MACROD2: variants seen among roughly 807,000 people sequenced by gnomAD.
MACROD2 encodes mono-ADP ribosylhydrolase 2.
In MACROD2, 36 loss-of-function variants were observed where a neutral mutation model predicts 70.4. The ratio of observed to expected loss-of-function variants is 0.51; its 90% CI spans 0.39 to 0.68. The LOEUF (loss-of-function observed/expected upper bound fraction) is 0.68. Ranked by LOEUF, MACROD2 falls within the 30% of genes least tolerant of loss-of-function variation. The pLI is 0.00. For synonymous variants in MACROD2, 172 were observed against 178.8 expected (o/e 0.96, Z 0.30); for missense variants, 496 against 538.4 (o/e 0.92, Z 0.78).
chr20:14,521,056 G>A (rs1477491956), intron 4 of MACROD2, among the ~76,000 whole-genome samples: 1 of 152,170 alleles, frequency 6.6e-6, no homozygotes, highest in African/African-American at 2.4e-5. Flanking sequence ...TTAACATGAT[G>A]CACTCCAAAG....
At chr20:14,571,395 G>A (rs1980181430) in intron 4 of MACROD2, among the ~76,000 whole-genome samples, 1 of 151,980 alleles carries the variant, frequency 6.6e-6, no homozygotes, top group East Asian at 1.9e-4. Context: ...GATGATTAAA[G>A]TTATTTTTAG....
chr20:14,536,167 A>C (rs2085361306), intron 4 of MACROD2, among the ~76,000 whole-genome samples: 1 of 152,162 alleles, frequency 6.6e-6, no homozygotes, highest in African/African-American at 2.4e-5. Flanking sequence ...AACAACATAT[A>C]TGTGTATATA....
At chr20:14,246,338 A>T (rs2081968072) in intron 3 of MACROD2, among the ~76,000 whole-genome samples, 1 of 152,186 alleles carries the variant, frequency 6.6e-6, no homozygotes, top group African/African-American at 2.4e-5. Flanking sequence ...ACTTTGATGT[A>T]GTATTGGAGT....
At chr20:14,301,145 C>G (rs561936821) in intron 3 of MACROD2, among the ~76,000 whole-genome samples, 46 of 152,234 alleles carry the variant, frequency 3.0e-4, no homozygotes, top group Non-Finnish European at 5.7e-4. Context: ...GATCACACAC[C>G]TAGTAGGTGG....
chr20:15,267,155 A>C (rs961875589), intron 6 of MACROD2, among the ~76,000 whole-genome samples: 7 of 152,250 alleles, frequency 4.6e-5, no homozygotes, highest in Admixed American at 3.3e-4. Flanking sequence ...CCTGCAAAGC[A>C]GTCATTCCAT....
intron 8 of MACROD2, among the ~76,000 whole-genome samples, chr20:15,833,216 G>T (rs576083224): frequency 2.9e-4 from 44 of 152,108 alleles, no homozygotes; most frequent in Non-Finnish European, 5.9e-4. Flanking sequence ...ATAATTGATG[G>T]CTGAAAATAG....
At chr20:15,829,270 C>G (rs2147114167) in intron 8 of MACROD2, among the ~76,000 whole-genome samples, 2 of 152,272 alleles carry the variant, frequency 1.3e-5, no homozygotes, top group Admixed American at 1.3e-4. Flanking sequence ...TTTACCATGT[C>G]CCTTAGCTGT....
chr20:15,592,945 T>C (rs2048698164), intron 8 of MACROD2, among the ~76,000 whole-genome samples: 1 of 152,144 alleles, frequency 6.6e-6, no homozygotes, highest in Admixed American at 6.6e-5. Context: ...TCAATCTCGG[T>C]AGTTCAGAAG....
At chr20:15,026,813 C>T (rs918593115) in intron 5 of MACROD2, among the ~76,000 whole-genome samples, 4 of 152,176 alleles carry the variant, frequency 2.6e-5, no homozygotes, top group African/African-American at 9.7e-5. Flanking sequence ...CCAAGCTCAT[C>T]AGCTTGCTAG....
chr20:14,188,840 A>G (rs865918707), intron 3 of MACROD2, among the ~76,000 whole-genome samples: 4 of 152,266 alleles, frequency 2.6e-5, no homozygotes, highest in Admixed American at 6.5e-5. Context: ...CTACATTTTC[A>G]TCTGTTTTAT....
At chr20:15,750,826 T>C (rs2051257694) in intron 8 of MACROD2, among the ~76,000 whole-genome samples, 1 of 151,964 alleles carries the variant, frequency 6.6e-6, no homozygotes, top group Non-Finnish European at 1.5e-5. Flanking sequence ...TGGGACAACA[T>C]GGATGGATCT....
At chr20:14,662,685 G>T (rs111595306) in intron 4 of MACROD2, among the ~76,000 whole-genome samples, 243 of 152,194 alleles carry the variant, frequency 1.6e-3, no homozygotes, top group African/African-American at 5.4e-3. Flanking sequence ...GACATGAACA[G>T]ACACTTTTCA....
At chr20:15,741,178 A>G (rs1600828701) in intron 8 of MACROD2, among the ~76,000 whole-genome samples, 1 of 135,032 alleles carries the variant, frequency 7.4e-6, no homozygotes, top group South Asian at 2.3e-4. Context: ...TGCAGCCTCC[A>G]CCTCTCAGGT....
At chr20:15,511,787 T>G (rs1400253829) in intron 8 of MACROD2, among the ~76,000 whole-genome samples, 1 of 152,180 alleles carries the variant, frequency 6.6e-6, no homozygotes, top group African/African-American at 2.4e-5. Flanking sequence ...ACAAGAAAAT[T>G]CTTGGAGATG....
chr20:15,492,598 G>A (rs2047245713), intron 7 of MACROD2, among the ~76,000 whole-genome samples: 1 of 152,184 alleles, frequency 6.6e-6, no homozygotes. Flanking sequence ...GACAGTCAAT[G>A]TTGACAATCC....
intron 3 of MACROD2, among the ~76,000 whole-genome samples, chr20:14,465,429 T>C (rs1225072136): frequency 1.3e-5 from 2 of 152,080 alleles, no homozygotes; most frequent in Non-Finnish European, 2.9e-5. Flanking sequence ...CTTTCTGTGT[T>C]TCTGCACATG....
At chr20:14,216,897 A>G (rs62208982) in intron 3 of MACROD2, among the ~76,000 whole-genome samples, 12 of 152,082 alleles carry the variant, frequency 7.9e-5, no homozygotes. Context: ...ATCAGTTCTA[A>G]GAGCTTTCTG....
intron 6 of MACROD2, among the ~76,000 whole-genome samples, chr20:15,234,339 A>G (rs1285372059): frequency 1.3e-5 from 2 of 150,606 alleles, no homozygotes; most frequent in African/African-American, 4.9e-5. Context: ...GCCTATATAT[A>G]TATATTCTTG....
At chr20:15,007,257 G>T (rs1275730525) in intron 5 of MACROD2, among the ~76,000 whole-genome samples, 1 of 152,032 alleles carries the variant, frequency 6.6e-6, no homozygotes, top group Non-Finnish European at 1.5e-5. Flanking sequence ...CCAGCTACTG[G>T]GGAGGCTGAG....
Sources: gnomAD v4.1 joint callset for allele counts (sites outside exome capture counted in the v4.1 genomes callset) on GRCh38, gnomAD v4.1.1 for gene constraint, MANE v1.5 for transcripts, NCBI Gene and HGNC (gene_info 2026-07-23, HGNC 2026-07-21) for gene names.